PPP3CC: variants seen among roughly 807,000 people sequenced by gnomAD.
PPP3CC encodes serine/threonine-protein phosphatase 2B catalytic subunit gamma isoform.
In PPP3CC, 35 loss-of-function variants were observed where a neutral mutation model predicts 60.3. The observed-to-expected ratio is 0.58, with a 90% confidence interval of 0.44 to 0.77. The LOEUF is 0.77. PPP3CC is among the 30% of genes least tolerant of loss of function. The pLI, the probability that PPP3CC is intolerant of heterozygous loss-of-function variation, is 0.00. For missense variants in PPP3CC, 570 were observed against 628.9 expected (o/e 0.91, Z 1.00); for synonymous variants, 206 against 224.3 (o/e 0.92, Z 0.73).
At chr8:22,442,495 T>A (rs976400467) in intron 1 of PPP3CC, among the ~76,000 whole-genome samples, 1 of 152,156 alleles carries the variant, frequency 6.6e-6, no homozygotes, top group Non-Finnish European at 1.5e-5. Flanking sequence ...GGGGAAGAAT[T>A]TTAGTGTATA....
chr8:22,479,886 G>A (rs768258261), intron 3 of PPP3CC, among the ~76,000 whole-genome samples: 1 of 152,152 alleles, frequency 6.6e-6, no homozygotes, highest in Admixed American at 6.5e-5. Context: ...GTTTGAGAAA[G>A]TTCATTGACA....
intron 12 of PPP3CC, among the ~76,000 whole-genome samples, chr8:22,534,723 G>A (rs977817572): frequency 6.6e-6 from 1 of 152,080 alleles, no homozygotes; most frequent in African/African-American, 2.4e-5. Flanking sequence ...TAAATAAATT[G>A]TATTCCGAAA....
At chr8:22,510,305 A>G (rs1207745375) in intron 4 of PPP3CC, among the ~76,000 whole-genome samples, 2 of 152,070 alleles carry the variant, frequency 1.3e-5, no homozygotes, top group African/African-American at 4.8e-5. Flanking sequence ...GAGCCACCAC[A>G]CCAGTTTAAG....
chr8:22,499,978 CA>C (rs1162319107), intron 4 of PPP3CC, among the ~76,000 whole-genome samples: 1 of 152,130 alleles, frequency 6.6e-6, no homozygotes, highest in Non-Finnish European at 1.5e-5. Flanking sequence ...TTGTTTTCCC[CA>C]ACACCCACAA....
chr8:22,522,456 A>T, intron 6 of PPP3CC, 35 bp from the exon 7 acceptor site: 1 of 1,542,326 alleles, frequency 6.5e-7, no homozygotes, highest in Non-Finnish European at 8.8e-7. Flanking sequence ...AATTGTTTTA[A>T]TTCTGGATTT....
At chr8:22,523,639 T>G in intron 8 of PPP3CC, 1 of 454,008 alleles carries the variant, frequency 2.2e-6, no homozygotes, top group South Asian at 1.6e-5. Flanking sequence ...GGCATTGCCT[T>G]CAGAGTCTGC....
intron 1 of PPP3CC, among the ~76,000 whole-genome samples, chr8:22,463,342 AATTT>A (rs1207798085): frequency 3.9e-5 from 6 of 152,322 alleles, no homozygotes; most frequent in East Asian, 3.9e-4. Context: ...ATGCATCATT[AATTT>A]ATTCTCTGTA....
intron 3 of PPP3CC, 122 bp from the exon 4 acceptor site, chr8:22,497,879 A>G (rs1838636901): frequency 3.2e-6 from 2 of 631,134 alleles, no homozygotes; most frequent in Non-Finnish European, 5.4e-6. Context: ...AAAAGGTTTC[A>G]TTTTTCAATT....
At chr8:22,450,881 G>A (rs1348428028) in intron 1 of PPP3CC, among the ~76,000 whole-genome samples, 1 of 150,748 alleles carries the variant, frequency 6.6e-6, no homozygotes, top group Admixed American at 6.6e-5. Context: ...TGTCACCCAG[G>A]CTAGAGTGCA....
At chr8:22,470,170 A>G (rs1743106372) in intron 1 of PPP3CC, among the ~76,000 whole-genome samples, 1 of 151,798 alleles carries the variant, frequency 6.6e-6, no homozygotes, top group Non-Finnish European at 1.5e-5. Context: ...CACCCAGGCT[A>G]GAGTACAGTG....
intron 1 of PPP3CC, among the ~76,000 whole-genome samples, chr8:22,457,348 A>AT (rs1177484568): frequency 2.0e-5 from 3 of 148,378 alleles, no homozygotes; most frequent in African/African-American, 5.0e-5. Flanking sequence ...ATTTTTAAGA[A>AT]TTTTTTTTCC....
intron 1 of PPP3CC, among the ~76,000 whole-genome samples, chr8:22,451,161 A>AGTCTCACTCT (rs1364199299): frequency 7.1e-6 from 1 of 140,748 alleles, no homozygotes; most frequent in Non-Finnish European, 1.5e-5. Flanking sequence ...TTTGAGACAG[A>AGTCTCACTCT]GTCTCACTCT....
At chr8:22,482,288 T>C (rs1838092383) in intron 3 of PPP3CC, among the ~76,000 whole-genome samples, 1 of 152,254 alleles carries the variant, frequency 6.6e-6, no homozygotes, top group Non-Finnish European at 1.5e-5. Context: ...TGACCAGTGA[T>C]GATGAGCTTT....
chr8:22,482,153 G>A (rs922813485), intron 3 of PPP3CC, among the ~76,000 whole-genome samples: 19 of 152,206 alleles, frequency 1.2e-4, no homozygotes, highest in Admixed American at 1.3e-4. Flanking sequence ...CCCACCAACA[G>A]TGTAAAAGCA....
intron 1 of PPP3CC, among the ~76,000 whole-genome samples, chr8:22,466,664 A>C (rs1023988866): frequency 3.9e-5 from 6 of 152,022 alleles, no homozygotes; most frequent in African/African-American, 1.5e-4. Flanking sequence ...CCACTTTCTG[A>C]TGGGGTTGTT....
chr8:22,446,805 CAAAAAAAAAA>C (rs34407184), intron 1 of PPP3CC, among the ~76,000 whole-genome samples: 7 of 21,982 alleles, frequency 3.2e-4, no homozygotes, highest in East Asian at 3.0e-3. Context: ...GACTCTGTCT[CAAAAAAAAAA>C]AAAAAAAAAA....
chr8:22,495,315 T>G (rs1174288307), intron 3 of PPP3CC, among the ~76,000 whole-genome samples: 1 of 152,186 alleles, frequency 6.6e-6, no homozygotes, highest in African/African-American at 2.4e-5. Context: ...TAGAGATCTT[T>G]CTCATCCTTG....
intron 4 of PPP3CC, among the ~76,000 whole-genome samples, chr8:22,499,733 C>T (rs1205509426): frequency 2.0e-5 from 3 of 152,184 alleles, no homozygotes. Context: ...TTCTTCTTTT[C>T]CCAGATCTCT....
At chr8:22,448,409 C>G (rs1363962976) in intron 1 of PPP3CC, among the ~76,000 whole-genome samples, 1 of 122,970 alleles carries the variant, frequency 8.1e-6, no homozygotes, top group South Asian at 2.6e-4. Flanking sequence ...GATGGAGTTT[C>G]GCTCTTGTTG....
Sources: gnomAD v4.1 joint callset for allele counts (sites outside exome capture counted in the v4.1 genomes callset) on GRCh38, gnomAD v4.1.1 for gene constraint, MANE v1.5 for transcripts, NCBI Gene and HGNC (gene_info 2026-07-23, HGNC 2026-07-21) for gene names.